Variants in DNAH8 observed in about 807,000 individuals in gnomAD.
DNAH8 encodes dynein axonemal heavy chain 8, also known as axonemal beta dynein heavy chain 8.
Under a neutral mutation model 562.1 loss-of-function variants are expected in DNAH8, and 382 were observed. The observed-to-expected ratio is 0.68, with a 90% CI of 0.63 to 0.74. DNAH8 has a LOEUF of 0.74. DNAH8 is among the 30% of genes least tolerant of loss of function. The probability of loss-of-function intolerance (pLI) is 0.00; values close to 1 mark genes in which losing one functional copy is unlikely to be tolerated. For synonymous variants in DNAH8, 1,881 were observed against 1,919.4 expected (o/e 0.98, Z 0.52); for missense variants, 5,203 against 5,620.4 (o/e 0.93, Z 2.37).
rs145961761 is a variant in DNAH8, at chr6:38,790,288, G to C, written c.2665-1G>C. ...AGCAGTTGTGTTTTTACCGTTTCTA[G>C]GTGGAATCTGTGTTGAGGCAAGGAC... On this transcript the variant is annotated splice_acceptor_variant, in intron 19 of 92. Transcript: ENST00000327475. LOFTEE classifies it high-confidence loss of function. 1.7e-5 allele frequency: 26 copies of C among 1,572,434 alleles called. No individual in the cohort carries two copies. Among genetic ancestry groups the C allele is most frequent in the Non-Finnish European group, 2.2e-5 (25 of 1,145,370 alleles).
intron 6 of DNAH8, among the ~76,000 whole-genome samples, chr6:38,737,464 A>C (rs1764187727): frequency 6.6e-6 from 1 of 151,858 alleles, no homozygotes; most frequent in Non-Finnish European, 1.5e-5. Flanking sequence ...ACGTTATAGC[A>C]GGAGGAATCT....
intron 69 of DNAH8, 142 bp from the exon 70 acceptor site, chr6:38,917,783 G>GAT: frequency 3.3e-6 from 2 of 604,478 alleles, no homozygotes; most frequent in South Asian, 5.4e-5. Flanking sequence ...GATTTAGGTT[G>GAT]GCTACTGCCA....
chr6:38,902,432 C>T (rs1455397206), intron 62 of DNAH8, among the ~76,000 whole-genome samples: 1 of 152,168 alleles, frequency 6.6e-6, no homozygotes, highest in Non-Finnish European at 1.5e-5. Flanking sequence ...CTCCTATGCC[C>T]CAGAGGCTGC....
chr6:38,834,339 C>T (rs746761623), intron 31 of DNAH8, among the ~76,000 whole-genome samples: 6 of 152,100 alleles, frequency 3.9e-5, no homozygotes, highest in Non-Finnish European at 8.8e-5. Flanking sequence ...GGTTGCACAA[C>T]CCTGTGAATG....
chr6:38,892,034 G>A (rs1001494930), intron 58 of DNAH8, among the ~76,000 whole-genome samples: 3 of 152,106 alleles, frequency 2.0e-5, no homozygotes, highest in African/African-American at 7.2e-5. Flanking sequence ...TGACCTAAAT[G>A]ATCCCTCTAA....
chr6:38,866,620 A>G lies in DNAH8; in HGVS notation c.6528A>G (p.Leu2176=). The change falls in exon 46 of 93, where the codon CTA becomes CTG. Residue 2176 remains leucine (L), a synonymous_variant. Transcript: ENST00000327475. ...MNPGYAGRQE[L]PENLKIQFRT... is the part of the protein sequence containing the mutation. ...CTGGATATGCTGGGCGCCAGGAACT[A>G]CCAGAAAACCTAAAAATCCAGTTTA... 1 of 1,612,296 alleles carries G rather than the reference A, an allele frequency of 6.2e-7. No individual in the cohort carries two copies. The highest frequency in any genetic ancestry group is 8.5e-7 in the Non-Finnish European group (1 of 1,179,462).
At position 38,951,478 on chromosome 6, in the gene DNAH8, C is replaced by A. The variant is rs1206141014; in HGVS notation, c.12409C>A (p.Pro4137Thr). 1 of 1,613,984 alleles carries A rather than the reference C, an allele frequency of 6.2e-7. No individual in the cohort carries two copies. Among genetic ancestry groups the A allele is most frequent in the South Asian group, 1.1e-5 (1 of 91,042 alleles). ...ATGCTTCCTGTCCATGGGATCTGACCCCACCAATCAAATTGATGCATTGGC... is the reference window on the plus strand; with the variant it reads ...ATGCTTCCTGTCCATGGGATCTGACACCACCAATCAAATTGATGCATTGGC... ...LICFLSMGSD[P>T]TNQIDALAKK... The change falls in exon 82 of 93, where the codon CCC becomes ACC. Residue 4137 changes from proline to threonine, a missense_variant. By Grantham distance (38) the Pro-to-Thr change is conservative. Coordinates refer to ENST00000327475, the MANE Select transcript of DNAH8 (RefSeq NM_001206927.2).
At chr6:38,907,568 A>G (rs965140084) in intron 63 of DNAH8, among the ~76,000 whole-genome samples, 1 of 152,210 alleles carries the variant, frequency 6.6e-6, no homozygotes, top group Non-Finnish European at 1.5e-5. Flanking sequence ...CTGCTGTGTT[A>G]ACTCTTCCCT....
chr6:38,909,731 A>C lies in DNAH8; in HGVS notation c.9727A>C (p.Ser3243Arg). 2 of 1,613,962 alleles carry C rather than the reference A, an allele frequency of 1.2e-6. No homozygotes were observed. Among genetic ancestry groups the C allele is most frequent in the Non-Finnish European group, 1.7e-6 (2 of 1,179,850 alleles). Residue 3243 changes from serine to arginine, a missense_variant, in exon 65 of 93, where the codon AGT becomes CGT. Ser to Arg is a moderately radical substitution (Grantham distance 110). Coordinates refer to ENST00000327475, the MANE Select transcript of DNAH8 (RefSeq NM_001206927.2). Reference protein sequence around the residue: ...FHDMVSESCESYFQRYRRRAH... With the variant: ...FHDMVSESCERYFQRYRRRAH... Reference sequence around the variant, plus strand: ...TGACATGGTTTCAGAGAGCTGTGAAAGTTATTTCCAAAGGTAAGTGATATT... The same window carrying C: ...TGACATGGTTTCAGAGAGCTGTGAACGTTATTTCCAAAGGTAAGTGATATT...
chr6:38,758,284 G>A (rs1321316751), intron 10 of DNAH8, among the ~76,000 whole-genome samples: 2 of 151,762 alleles, frequency 1.3e-5, no homozygotes, highest in African/African-American at 2.4e-5. Context: ...TATTCTCTTT[G>A]AAGCAATTGT....
chr6:38,796,713 A>G (rs971769659), intron 21 of DNAH8, among the ~76,000 whole-genome samples: 12 of 152,108 alleles, frequency 7.9e-5, no homozygotes, highest in Non-Finnish European at 1.2e-4. Context: ...TGTTCAGTCA[A>G]TCACAATCCT....
intron 82 of DNAH8, among the ~76,000 whole-genome samples, chr6:38,966,019 A>G (rs1351866034): frequency 1.3e-5 from 2 of 152,222 alleles, no homozygotes; most frequent in Admixed American, 6.5e-5. Flanking sequence ...ATGCGAGCAA[A>G]AAAAGCCAGA....
At chr6:38,863,826 GTATAT>G (rs1563034388) in intron 44 of DNAH8, 42 bp from the exon 45 acceptor site, 1 of 1,460,018 alleles carries the variant, frequency 6.8e-7, no homozygotes. Flanking sequence ...TATCAAGAAG[GTATAT>G]TATAGAGTAA....
At chr6:38,894,676 G>A (rs1470872877) in intron 58 of DNAH8, 25 bp from the exon 59 acceptor site, 2 of 1,589,510 alleles carry the variant, frequency 1.3e-6, no homozygotes, top group Admixed American at 3.4e-5. Flanking sequence ...AACTAACTGA[G>A]AGTATTACAT....
intron 26 of DNAH8, among the ~76,000 whole-genome samples, chr6:38,822,084 C>G (rs1266227824): frequency 6.6e-6 from 1 of 152,150 alleles, no homozygotes; most frequent in Admixed American, 6.5e-5. Context: ...GTGAAATTCT[C>G]TTTTAGGTTA....
At chr6:38,781,112 G>C in intron 15 of DNAH8, 142 bp from the exon 16 acceptor site, 1 of 764,722 alleles carries the variant, frequency 1.3e-6, no homozygotes. Flanking sequence ...AGGTTACCTT[G>C]GATGTGCATT....
intron 24 of DNAH8, among the ~76,000 whole-genome samples, chr6:38,812,064 T>C (rs920459882): frequency 1.3e-5 from 2 of 152,174 alleles, no homozygotes; most frequent in African/African-American, 4.8e-5. Context: ...TCTTGCAGCA[T>C]CATCTGCAAG....
Position 38,987,493 on chromosome 6 carries a change from A to G in DNAH8, c.13054-2519A>G, listed in dbSNP as rs575928387. On this transcript the variant is annotated intron_variant, in intron 87 of 92. Transcript: ENST00000327475. ...CCCAGTTCATTGGCTGTTCCCAAGT[A>G]ACAGCAGCTCCCTCCTCACCTGAGT... Among the ~76,000 whole-genome samples the G allele has an allele frequency of 7.2e-5, 11 of 152,320 alleles. No homozygotes were observed. The East Asian group carries it at 1.9e-3, about 27-fold the overall frequency.
At chr6:39,000,527 G>A (rs757860632) in intron 88 of DNAH8, among the ~76,000 whole-genome samples, 1 of 152,088 alleles carries the variant, frequency 6.6e-6, no homozygotes, top group African/African-American at 2.4e-5. Flanking sequence ...TCATAGGAGC[G>A]AGAACCCTAC....
Sources: allele counts gnomAD v4.1 joint callset (sites outside exome capture counted in the v4.1 genomes callset), GRCh38; gene constraint gnomAD v4.1.1; transcripts MANE v1.5; gene names NCBI Gene and HGNC (gene_info 2026-07-23, HGNC 2026-07-21).